SPOCK1: variants seen among roughly 807,000 people sequenced by gnomAD.
The protein encoded by SPOCK1 is SPARC (osteonectin), cwcv and kazal like domains proteoglycan 1, also known as testican-1.
SPOCK1 carries 23 observed loss-of-function variants against 55.3 expected under a neutral mutation model. The ratio of observed to expected loss-of-function variants is 0.42; its 90% CI spans 0.30 to 0.59. The LOEUF is 0.59. Ranked by LOEUF, SPOCK1 falls within the 20% of genes least tolerant of loss-of-function variation. The pLI is 0.22. For synonymous variants in SPOCK1, 226 were observed against 221.0 expected (o/e 1.02, Z -0.20); for missense variants, 499 against 552.5 (o/e 0.90, Z 0.97).
At chr5:137,429,030 T>C (rs1011150404) in intron 2 of SPOCK1, among the ~76,000 whole-genome samples, 16 of 152,366 alleles carry the variant, frequency 1.1e-4, no homozygotes, top group African/African-American at 3.8e-4. Flanking sequence ...CTACCTTGAG[T>C]GGTTTCCCTT....
chr5:137,201,212 T>A (rs192882888), intron 3 of SPOCK1, among the ~76,000 whole-genome samples: 2 of 152,298 alleles, frequency 1.3e-5, no homozygotes. Flanking sequence ...CCAGAAGGAC[T>A]GGACCAGCAG....
intron 4 of SPOCK1, among the ~76,000 whole-genome samples, chr5:137,125,979 T>A (rs926391931): frequency 3.9e-5 from 6 of 152,166 alleles, no homozygotes; most frequent in African/African-American, 1.2e-4. Flanking sequence ...GAACACAATA[T>A]TGGTAGAAAT....
chr5:137,457,686 A>G (rs1015689882), intron 2 of SPOCK1, among the ~76,000 whole-genome samples: 1 of 152,212 alleles, frequency 6.6e-6, no homozygotes, highest in Non-Finnish European at 1.5e-5. Flanking sequence ...TGTGCCAAAT[A>G]GCGTGAAAGA....
At chr5:137,065,339 C>G (rs1374251585) in intron 6 of SPOCK1, among the ~76,000 whole-genome samples, 1 of 152,130 alleles carries the variant, frequency 6.6e-6, no homozygotes, top group Non-Finnish European at 1.5e-5. Flanking sequence ...TAACTACCAC[C>G]AACAGGTAGC....
At chr5:137,300,098 T>C (rs1454088350) in intron 2 of SPOCK1, among the ~76,000 whole-genome samples, 1 of 152,178 alleles carries the variant, frequency 6.6e-6, no homozygotes, top group Non-Finnish European at 1.5e-5. Context: ...TCCTACTTTT[T>C]TCTCTTTTTC....
intron 2 of SPOCK1, among the ~76,000 whole-genome samples, chr5:137,367,244 G>A: frequency 6.6e-6 from 1 of 152,146 alleles, no homozygotes; most frequent in Non-Finnish European, 1.5e-5. Context: ...GGCAACAACT[G>A]GTACAAAATG....
chr5:137,250,602 G>A (rs192228354), intron 3 of SPOCK1, among the ~76,000 whole-genome samples: 132 of 152,256 alleles, frequency 8.7e-4, no homozygotes, highest in African/African-American at 2.8e-3. Flanking sequence ...CTGCCAACAC[G>A]AGCTGCTTGC....
At position 137,082,454 on chromosome 5, in the gene SPOCK1, G is replaced by T. The variant is rs138137465; in HGVS notation, c.475-14625C>A. Among the ~76,000 whole-genome samples, 404 of 152,322 alleles carry T rather than the reference G, an allele frequency of 2.7e-3. 2 individuals are homozygous for T. Among genetic ancestry groups the T allele is most frequent in the African/African-American group, 8.9e-3 (371 of 41,560 alleles). On this transcript the variant is annotated intron_variant, in intron 5 of 10. Coordinates refer to ENST00000394945, the MANE Select transcript of SPOCK1 (RefSeq NM_004598.4). ...TGGAGAAAGATCCACAGAGAAGCAGGTGGCATGGGTGCAGTCAAGAGGGGT... is the reference window on the plus strand; with the variant it reads ...TGGAGAAAGATCCACAGAGAAGCAGTTGGCATGGGTGCAGTCAAGAGGGGT...
intron 2 of SPOCK1, among the ~76,000 whole-genome samples, chr5:137,455,008 C>CA (rs1006456779): frequency 1.3e-5 from 2 of 152,078 alleles, no homozygotes; most frequent in African/African-American, 4.8e-5. Context: ...AATGTATCAC[C>CA]AAATAAGACC....
At chr5:137,014,775 G>A (rs1751419750) in intron 6 of SPOCK1, among the ~76,000 whole-genome samples, 1 of 152,208 alleles carries the variant, frequency 6.6e-6, no homozygotes, top group Admixed American at 6.5e-5. Context: ...TCCTGAGAGG[G>A]TCAGAATATC....
At chr5:137,231,055 T>A (rs1043473729) in intron 3 of SPOCK1, among the ~76,000 whole-genome samples, 2 of 152,094 alleles carry the variant, frequency 1.3e-5, no homozygotes, top group African/African-American at 4.8e-5. Flanking sequence ...CCCCTTTTTT[T>A]TTTTTGAGAT....
At chr5:136,992,686 G>T in intron 6 of SPOCK1, 86 bp from the exon 7 acceptor site, 1 of 990,482 alleles carries the variant, frequency 1.0e-6, no homozygotes, top group Non-Finnish European at 1.5e-6. Flanking sequence ...CACGTTCAAA[G>T]CAAACCTTTC....
At chr5:137,011,636 A>G (rs1751350491) in intron 6 of SPOCK1, among the ~76,000 whole-genome samples, 1 of 152,220 alleles carries the variant, frequency 6.6e-6, no homozygotes, top group African/African-American at 2.4e-5. Flanking sequence ...CCTCAGTCCC[A>G]TCTACCACAT....
intron 2 of SPOCK1, among the ~76,000 whole-genome samples, chr5:137,408,252 A>T (rs1358880189): frequency 3.3e-5 from 5 of 152,142 alleles, no homozygotes; most frequent in Non-Finnish European, 7.4e-5. Context: ...ATTATAGAAG[A>T]CAGAAGAGGC....
intron 6 of SPOCK1, among the ~76,000 whole-genome samples, chr5:137,046,507 G>A (rs1044200973): frequency 6.6e-6 from 1 of 150,950 alleles, no homozygotes; most frequent in Non-Finnish European, 1.5e-5. Context: ...AGACTTTGCT[G>A]AAGTTGCTTA....
At chr5:137,169,714 A>C (rs1167034038) in intron 3 of SPOCK1, among the ~76,000 whole-genome samples, 1 of 152,198 alleles carries the variant, frequency 6.6e-6, no homozygotes, top group Non-Finnish European at 1.5e-5. Context: ...GGATTATCTC[A>C]TTTAGTCCTC....
chr5:137,120,648 G>A (rs1340493232), intron 4 of SPOCK1, among the ~76,000 whole-genome samples: 1 of 152,198 alleles, frequency 6.6e-6, no homozygotes. Context: ...CTCAAGAAAA[G>A]TAGGATTGAG....
intron 2 of SPOCK1, among the ~76,000 whole-genome samples, chr5:137,330,667 T>A (rs1318547856): frequency 6.6e-6 from 1 of 152,224 alleles, no homozygotes; most frequent in Non-Finnish European, 1.5e-5. Context: ...GATGAAGAGA[T>A]GAGGCCATGC....
chr5:137,475,818 T>C (rs1753827080), intron 2 of SPOCK1, among the ~76,000 whole-genome samples: 1 of 152,030 alleles, frequency 6.6e-6, no homozygotes, highest in South Asian at 2.1e-4. Context: ...CAAACAATCT[T>C]CCTGCCTTAA....
Sources: allele counts gnomAD v4.1 joint callset (sites outside exome capture counted in the v4.1 genomes callset), GRCh38; gene constraint gnomAD v4.1.1; transcripts MANE v1.5; gene names NCBI Gene and HGNC (gene_info 2026-07-23, HGNC 2026-07-21).